The following COMT variants were observed in gnomAD, a reference collection of about 807,000 sequenced individuals.
The protein encoded by COMT is catechol-O-methyltransferase, also known as catechol O-methyltransferase.
COMT carries 13 observed loss-of-function variants against 18.9 expected under a neutral mutation model. The observed-to-expected ratio is 0.69, with a 90% CI of 0.45 to 1.09. COMT has a LOEUF of 1.09. Among genes scored for constraint, COMT ranks in the 50% least tolerant of loss-of-function variants. COMT has a pLI of 0.00. For missense variants in COMT, 329 were observed against 361.8 expected (o/e 0.91, Z 0.73); for synonymous variants, 150 against 160.9 (o/e 0.93, Z 0.51).
chr22:19,942,935 C>T (rs1941767425), intron 1 of COMT, among the ~76,000 whole-genome samples: 1 of 152,180 alleles, frequency 6.6e-6, no homozygotes, highest in Admixed American at 6.5e-5. Flanking sequence ...CCCCAACCTC[C>T]CACAGAGACT....
Position 19,968,757 on chromosome 22 carries a change from T to A in COMT, c.*21T>A. ...CCTGACTGCCCCCCCGGCCCCCCTCTCGGGCTCTCTCACCCAGCCTGGTAC... is the reference window on the plus strand; with the variant it reads ...CCTGACTGCCCCCCCGGCCCCCCTCACGGGCTCTCTCACCCAGCCTGGTAC... On this transcript the variant is annotated 3_prime_UTR_variant, in exon 6 of 6. Coordinates refer to ENST00000361682, the MANE Select transcript of COMT (RefSeq NM_000754.4). 6.2e-7 allele frequency: 1 copy of A among 1,600,714 alleles called. No individual in the cohort carries two copies. Among genetic ancestry groups the A allele is most frequent in the Non-Finnish European group, 8.5e-7 (1 of 1,176,744 alleles).
chr22:19,953,100 G>A (rs1057111024), intron 1 of COMT, among the ~76,000 whole-genome samples: 50 of 152,164 alleles, frequency 3.3e-4, no homozygotes, highest in Admixed American at 2.6e-4. Context: ...GAGCCTGGCC[G>A]GAGTGTGATG....
chr22:19,954,892 C>T (rs1387223799), intron 1 of COMT, among the ~76,000 whole-genome samples: 1 of 152,208 alleles, frequency 6.6e-6, no homozygotes, highest in Non-Finnish European at 1.5e-5. Flanking sequence ...TCCTTCCTCT[C>T]TGCAGGTTGG....
At position 19,963,590 on chromosome 22, in the gene COMT, A is replaced by G. The variant is rs1942255817; in HGVS notation, c.314A>G (p.Gln105Arg). The G allele has an allele frequency of 3.1e-6, 5 of 1,612,776 alleles. No individual in the cohort carries two copies. In the East Asian group the frequency reaches 8.9e-5, roughly 29 times the overall value. Residue 105 changes from glutamine (Q) to arginine (R), a missense_variant, in exon 4 of 6, where the codon CAG (glutamine) becomes CGG (arginine). By Grantham distance (43) the Gln-to-Arg change is conservative. Coordinates refer to ENST00000361682, the MANE Select transcript of COMT (RefSeq NM_000754.4). Reference protein sequence around the residue: ...KKGKIVDAVIQEHQPSVLLEL... With the variant: ...KKGKIVDAVIREHQPSVLLEL... ...GGCAAGATCGTGGACGCCGTGATTC[A>G]GGAGCACCAGCCCTCCGTGCTGCTG...
At chr22:19,955,492 C>T (rs1465944446) in intron 1 of COMT, among the ~76,000 whole-genome samples, 1 of 152,260 alleles carries the variant, frequency 6.6e-6, no homozygotes, top group Non-Finnish European at 1.5e-5. Flanking sequence ...GGGCTTCTTG[C>T]AGCAGTTCCA....
chr22:19,942,166 C>A (rs576088937), intron 1 of COMT, among the ~76,000 whole-genome samples: 1 of 152,262 alleles, frequency 6.6e-6, no homozygotes, highest in South Asian at 2.1e-4. Flanking sequence ...ATGAGGGGCT[C>A]CAGATAGCGG....
At chr22:19,964,777 G>A in intron 5 of COMT, 2 of 370,616 alleles carry the variant, frequency 5.4e-6, no homozygotes, top group Non-Finnish European at 1.0e-5. Flanking sequence ...CGAGGACCCT[G>A]AGTGCCCCGA....
chr22:19,951,762 G>T (rs1240095599), intron 1 of COMT: 1 of 152,276 alleles, frequency 6.6e-6, no homozygotes, highest in East Asian at 1.9e-4. Context: ...AGAACAGTGG[G>T]GACTCAGTGG....
In COMT at chr22:19,964,210, C is replaced by G; in HGVS notation, c.526C>G (p.Leu176Val). The G allele has an allele frequency of 6.2e-7, 1 of 1,614,142 alleles. No individual in the cohort carries two copies. The highest frequency in any genetic ancestry group is 8.5e-7 in the Non-Finnish European group (1 of 1,180,030). ...AGCGTCCCAGGACATCATCCCCCAG[C>G]TGAAGAAGAAGTATGATGTGGACAC... Reference protein sequence around the residue: ...VGASQDIIPQLKKKYDVDTLD... With the variant: ...VGASQDIIPQVKKKYDVDTLD... Residue 176 changes from leucine (L) to valine (V), a missense_variant, in exon 5 of 6, where the codon CTG (leucine) becomes GTG (valine). Leu to Val is a conservative substitution (Grantham distance 32). Transcript: ENST00000361682.
intron 1 of COMT, among the ~76,000 whole-genome samples, chr22:19,943,332 C>T (rs1487323500): frequency 6.6e-6 from 1 of 152,194 alleles, no homozygotes; most frequent in African/African-American, 2.4e-5. Context: ...ATGATGCAAG[C>T]AGTCAAGCAT....
chr22:19,944,936 C>T (rs1216242357), intron 1 of COMT, among the ~76,000 whole-genome samples: 1 of 152,216 alleles, frequency 6.6e-6, no homozygotes, highest in East Asian at 1.9e-4. Flanking sequence ...TTTCTCTTTA[C>T]AAACCCTTCC....
intron 5 of COMT, chr22:19,967,517 C>T: frequency 2.5e-6 from 1 of 394,336 alleles, no homozygotes; most frequent in Non-Finnish European, 5.0e-6. Flanking sequence ...CATACTGTCA[C>T]ATGAAAGCCC....
intron 1 of COMT, among the ~76,000 whole-genome samples, chr22:19,943,545 G>A (rs933507841): frequency 2.6e-5 from 4 of 152,010 alleles, no homozygotes; most frequent in African/African-American, 7.2e-5. Flanking sequence ...GGGAGGCTGA[G>A]GTGAAAAGAT....
chr22:19,957,242 G>A (rs1016749326), intron 1 of COMT, among the ~76,000 whole-genome samples: 6 of 152,142 alleles, frequency 3.9e-5, no homozygotes, highest in Non-Finnish European at 5.9e-5. Context: ...GAGCCACCGC[G>A]CCCGGCCAGC....
At chr22:19,959,990 C>T (rs190562616) in intron 1 of COMT, among the ~76,000 whole-genome samples, 23 of 152,368 alleles carry the variant, frequency 1.5e-4, no homozygotes, top group African/African-American at 5.5e-4. Flanking sequence ...TGGGCCGGTC[C>T]CTCCTGCCAG....
At chr22:19,942,853 C>G (rs1037370524) in intron 1 of COMT, among the ~76,000 whole-genome samples, 1 of 152,104 alleles carries the variant, frequency 6.6e-6, no homozygotes, top group Non-Finnish European at 1.5e-5. Flanking sequence ...ATCACCAAAA[C>G]TGGGAAGGGA....
intron 1 of COMT, among the ~76,000 whole-genome samples, chr22:19,946,079 T>C (rs1395664763): frequency 6.6e-6 from 1 of 152,238 alleles, no homozygotes; most frequent in Non-Finnish European, 1.5e-5. Flanking sequence ...CTCAGTTGCA[T>C]GCAGGTACTG....
rs187125475 is a variant in COMT, at chr22:19,960,158, G to A, written c.-91-1041G>A. Among the ~76,000 whole-genome samples the A allele has an allele frequency of 2.1e-3, 320 of 152,342 alleles. 1 individual carries two copies. The highest frequency in any genetic ancestry group is 0.014 in the Middle Eastern group (4 of 294). ...ATTCTTACACAATTCAAGTATTAACGCAGATTTGGATTTATAATTTGGGAC... is the reference window on the plus strand; with the variant it reads ...ATTCTTACACAATTCAAGTATTAACACAGATTTGGATTTATAATTTGGGAC... On this transcript the variant is annotated intron_variant, in intron 1 of 5. Transcript: ENST00000361682.
At chr22:19,948,731 G>C (rs1941879542) in intron 1 of COMT, among the ~76,000 whole-genome samples, 1 of 152,118 alleles carries the variant, frequency 6.6e-6, no homozygotes, top group Non-Finnish European at 1.5e-5. Context: ...AAGGTGGACA[G>C]ATCACCTGAG....
Sources: allele counts gnomAD v4.1 joint callset (sites outside exome capture counted in the v4.1 genomes callset), GRCh38; gene constraint gnomAD v4.1.1; transcripts MANE v1.5; gene names NCBI Gene and HGNC (gene_info 2026-07-23, HGNC 2026-07-21).